Variants in PTPRT observed in about 807,000 individuals in gnomAD.
PTPRT encodes the protein receptor-type tyrosine-protein phosphatase T.
Under a neutral mutation model 176.8 loss-of-function variants are expected in PTPRT, and 56 were observed. That is an observed-to-expected ratio of 0.32 (90% CI 0.26 to 0.40). The LOEUF is 0.40. PTPRT is among the 10% of genes least tolerant of loss of function. The probability of loss-of-function intolerance (pLI) is 1.00; values close to 1 mark genes in which losing one functional copy is unlikely to be tolerated. For synonymous variants in PTPRT, 783 were observed against 739.0 expected, an observed-to-expected ratio of 1.06 and a Z score of -0.96; for missense variants, 1,540 against 1,908.2, an observed-to-expected ratio of 0.81 and a Z score of 3.60.
chr20:42,619,829 G>A (rs1453096779), intron 7 of PTPRT, among the ~76,000 whole-genome samples: 1 of 128,186 alleles, frequency 7.8e-6, no homozygotes, highest in Non-Finnish European at 1.6e-5. Flanking sequence ...GGTTATTCTA[G>A]TTATACATTC....
At chr20:42,282,593 A>G in intron 12 of PTPRT, 68 bp from the exon 13 acceptor site, 8 of 1,213,164 alleles carry the variant, frequency 6.6e-6, no homozygotes, top group Non-Finnish European at 9.5e-6. Context: ...ATATAAAGAC[A>G]AAAATACATA....
intron 13 of PTPRT, among the ~76,000 whole-genome samples, chr20:42,256,705 CAG>C (rs539495960): frequency 6.9e-6 from 1 of 145,698 alleles, no homozygotes; most frequent in Non-Finnish European, 1.5e-5. Context: ...ACTTTTAAAA[CAG>C]AGCAAATTTA....
intron 6 of PTPRT, among the ~76,000 whole-genome samples, chr20:42,705,651 C>T (rs2076042893): frequency 6.6e-6 from 1 of 152,134 alleles, no homozygotes; most frequent in African/African-American, 2.4e-5. Context: ...AATCATGTCA[C>T]TTGTCACCTG....
At chr20:42,618,697 G>A (rs1304280216) in intron 7 of PTPRT, among the ~76,000 whole-genome samples, 1 of 130,680 alleles carries the variant, frequency 7.7e-6, no homozygotes, top group Non-Finnish European at 1.6e-5. Context: ...TTATGTAATG[G>A]CCTTCTTTGT....
intron 7 of PTPRT, among the ~76,000 whole-genome samples, chr20:42,585,641 T>G (rs1322783009): frequency 6.6e-6 from 1 of 152,158 alleles, no homozygotes; most frequent in Non-Finnish European, 1.5e-5. Flanking sequence ...TCCTATAAGG[T>G]AGACACTATC....
At chr20:42,324,036 A>T (rs188218514) in intron 11 of PTPRT, among the ~76,000 whole-genome samples, 5 of 152,332 alleles carry the variant, frequency 3.3e-5, no homozygotes, top group African/African-American at 9.6e-5. Flanking sequence ...CAAAAGAAAT[A>T]AGACATTTCC....
intron 9 of PTPRT, among the ~76,000 whole-genome samples, chr20:42,435,109 C>A (rs926551414): frequency 1.3e-5 from 2 of 152,034 alleles, no homozygotes; most frequent in Non-Finnish European, 2.9e-5. Flanking sequence ...GTACTGAGTT[C>A]TTTCCAGAGA....
rs1983243769 is a variant in PTPRT, at chr20:42,080,764, T to C, written c.*115A>G. 9.6e-7 allele frequency: 1 copy of C among 1,038,978 alleles called. No individual in the cohort carries two copies. Among genetic ancestry groups the C allele is most frequent in the Non-Finnish European group, 1.5e-6 (1 of 682,624 alleles). 64.4% of individuals were successfully genotyped at this position (1,038,978 alleles called of 1,614,324 possible). On this transcript the variant is annotated 3_prime_UTR_variant, in exon 31 of 31. Coordinates refer to ENST00000373187, the MANE Select transcript of PTPRT (RefSeq NM_007050.6). ...AACACAGGGCCACCAGTCTTCTCCT[T>C]GGAGTCAGGCAGGGTGCCACCTCAG...
At chr20:42,796,769 G>T (rs1159466180) in intron 2 of PTPRT, among the ~76,000 whole-genome samples, 1 of 152,202 alleles carries the variant, frequency 6.6e-6, no homozygotes, top group Non-Finnish European at 1.5e-5. Flanking sequence ...ACAACTGTTT[G>T]TTGAGGCCCA....
At chr20:43,062,723 G>T (rs923297429) in intron 1 of PTPRT, among the ~76,000 whole-genome samples, 1 of 152,224 alleles carries the variant, frequency 6.6e-6, no homozygotes, top group Admixed American at 6.5e-5. Flanking sequence ...ACCTGAACAT[G>T]GTTGACAGTT....
chr20:42,707,730 G>C (rs576599134), intron 6 of PTPRT, among the ~76,000 whole-genome samples: 1 of 152,258 alleles, frequency 6.6e-6, no homozygotes, highest in South Asian at 2.1e-4. Context: ...GAGGCAAGAG[G>C]ATCAGCTGAG....
the PTPRT span, among the ~76,000 whole-genome samples, chr20:42,056,685 A>G: frequency 6.6e-6 from 1 of 152,220 alleles, no homozygotes; most frequent in Non-Finnish European, 1.5e-5. Context: ...AGGTGTATGA[A>G]TAAAACGATG....
chr20:42,086,726 C>CAAAA (rs367948746), intron 27 of PTPRT, among the ~76,000 whole-genome samples: 29 of 82,190 alleles, frequency 3.5e-4, no homozygotes, highest in African/African-American at 7.4e-4. Context: ...GACTCCATCT[C>CAAAA]AAAAAAAAAA....
chr20:42,179,844 G>T (rs576713182), intron 16 of PTPRT, among the ~76,000 whole-genome samples: 2 of 152,162 alleles, frequency 1.3e-5, no homozygotes, highest in Admixed American at 1.3e-4. Context: ...TGATAGTATG[G>T]GTGACTAGCC....
At chr20:42,700,496 C>T (rs1241817194) in intron 6 of PTPRT, among the ~76,000 whole-genome samples, 2 of 152,200 alleles carry the variant, frequency 1.3e-5, no homozygotes, top group Non-Finnish European at 2.9e-5. Context: ...GCTAATGGCC[C>T]ATGCACAGAA....
intron 6 of PTPRT, among the ~76,000 whole-genome samples, chr20:42,683,836 C>T (rs760179913): frequency 3.9e-5 from 6 of 152,116 alleles, no homozygotes; most frequent in Non-Finnish European, 7.4e-5. Flanking sequence ...CTTCATGGTC[C>T]TCAAATTTAT....
intron 15 of PTPRT, among the ~76,000 whole-genome samples, chr20:42,204,379 T>C (rs2055398303): frequency 6.6e-6 from 1 of 152,174 alleles, no homozygotes. Flanking sequence ...CCTTCAAAAC[T>C]CAAGTACTTA....
chr20:42,277,182 C>T (rs554370400), intron 13 of PTPRT, among the ~76,000 whole-genome samples: 1 of 152,244 alleles, frequency 6.6e-6, no homozygotes, highest in South Asian at 2.1e-4. Flanking sequence ...GCTTTCAGCA[C>T]CCACTCCAAG....
At chr20:42,614,455 G>A (rs1207221571) in intron 7 of PTPRT, among the ~76,000 whole-genome samples, 1 of 152,116 alleles carries the variant, frequency 6.6e-6, no homozygotes, top group Non-Finnish European at 1.5e-5. Flanking sequence ...CCCAATCAGG[G>A]TCCTGAGCAC....
Sources: allele counts gnomAD v4.1 joint callset (sites outside exome capture counted in the v4.1 genomes callset), GRCh38; gene constraint gnomAD v4.1.1; transcripts MANE v1.5; gene names NCBI Gene and HGNC (gene_info 2026-07-23, HGNC 2026-07-21).